GTF2A1: variants seen among roughly 807,000 people sequenced by gnomAD.
GTF2A1 encodes transcription initiation factor IIA subunit 1.
In GTF2A1, 12 loss-of-function variants were observed where a neutral mutation model predicts 54.1. That is an observed-to-expected ratio of 0.22 (90% CI 0.14 to 0.36). The LOEUF is 0.36. Ranked by LOEUF, GTF2A1 falls within the 10% of genes least tolerant of loss-of-function variation. The pLI, the probability that GTF2A1 is intolerant of heterozygous loss-of-function variation, is 1.00. For synonymous variants in GTF2A1, 145 were observed against 152.0 expected, an observed-to-expected ratio of 0.95 and a Z score of 0.34; for missense variants, 335 against 442.2, an observed-to-expected ratio of 0.76 and a Z score of 2.17.
Position 81,178,473 on chromosome 14 carries a change from T to C in GTF2A1, c.*1750A>G, listed in dbSNP as rs1418934298. On this transcript the variant is annotated 3_prime_UTR_variant, in exon 9 of 9. Coordinates refer to ENST00000553612, the MANE Select transcript of GTF2A1 (RefSeq NM_015859.4). The stretch of plus-strand genomic sequence containing the variant: ...AAATTAATATAGTCAAAATAAAAGC[T>C]GTATTACCAGTTATGGCATCTAAAT... 2 of 152,094 alleles carry C rather than the reference T, an allele frequency of 1.3e-5. No individual in the cohort carries two copies. The highest frequency in any genetic ancestry group is 4.8e-5 in the African/African-American group (2 of 41,428). The allele number at this position is 152,094 out of a possible 1,614,324, so 9.4% of individuals were successfully genotyped here.
intron 6 of GTF2A1, among the ~76,000 whole-genome samples, chr14:81,194,121 G>C (rs1203377774): frequency 6.6e-6 from 1 of 152,218 alleles, no homozygotes; most frequent in African/African-American, 2.4e-5. Context: ...CACAGCAGGA[G>C]GTGAGTGGTG....
intron 2 of GTF2A1, among the ~76,000 whole-genome samples, chr14:81,211,903 A>G (rs1467250397): frequency 7.1e-6 from 1 of 141,394 alleles, no homozygotes; most frequent in African/African-American, 2.7e-5. Context: ...ATATATATAT[A>G]TATATAACTA....
rs1178677309 is a variant in GTF2A1, at chr14:81,220,539, A to G, written c.-21T>C. ...GCCATTTCCACACACAACACAAACA[A>G]GAGGGGGCAACCCCAAGAAAACAAG... On this transcript the variant is annotated 5_prime_UTR_variant, in exon 1 of 9. Coordinates refer to ENST00000553612, the MANE Select transcript of GTF2A1 (RefSeq NM_015859.4). 6.4e-7 allele frequency: 1 copy of G among 1,557,918 alleles called. No homozygotes were observed. The highest frequency in any genetic ancestry group is 1.2e-5 in the South Asian group (1 of 85,292).
upstream of GTF2A1, chr14:81,221,236 C>T (rs1163162001): frequency 6.6e-6 from 1 of 152,256 alleles, no homozygotes; most frequent in Non-Finnish European, 1.5e-5. Context: ...CAAAGCGTTG[C>T]TGGAAAAGAC....
rs564416585 is a variant in GTF2A1 at position 81,219,557 on chromosome 14, C to CCGAGT, written c.30+927_30+931dup. 9.2e-5 allele frequency among the ~76,000 whole-genome samples: 14 copies of CCGAGT among 152,338 alleles called. No individual in the cohort carries two copies. In the South Asian group the frequency reaches 2.1e-3, roughly 23 times the overall value. On this transcript the variant is annotated intron_variant, in intron 1 of 8. Coordinates refer to ENST00000553612, the MANE Select transcript of GTF2A1 (RefSeq NM_015859.4). ...GCGGCCGCAGCCATGATGGTTAGACCCGAGTCGCCAACGGTACGGTGTCGG... is the reference window on the plus strand; with the variant it reads ...GCGGCCGCAGCCATGATGGTTAGACCCGAGTCGAGTCGCCAACGGTACGGTGTCGG...
chr14:81,197,339 C>T, intron 5 of GTF2A1, 70 bp downstream of exon 5: 1 of 762,072 alleles, frequency 1.3e-6, no homozygotes, highest in South Asian at 1.7e-5. Flanking sequence ...TCAAAGAAGA[C>T]AAAACCTAAG....
intron 5 of GTF2A1, 63 bp from the exon 6 acceptor site, chr14:81,196,304 A>G (rs776274942): frequency 6.5e-7 from 1 of 1,534,580 alleles, no homozygotes; most frequent in African/African-American, 1.4e-5. Flanking sequence ...AAAGAAATGA[A>G]TTCATATTTA....
rs1893113219 is a variant in GTF2A1, at chr14:81,201,640, A to G, written c.356T>C (p.Ile119Thr). 3.7e-6 allele frequency: 6 copies of G among 1,610,760 alleles called. No homozygotes were observed. The highest frequency in any genetic ancestry group is 4.2e-6 in the Non-Finnish European group (5 of 1,176,996). ...CTGTATCAACTTAGAATCTGGAACA[A>G]TAACTTGTGGTGCTGTGGCTACAAA... ...ASQQATAPQV[I>T]VPDSKLIQHM... The change falls in exon 4 of 9, where the codon ATT (isoleucine) becomes ACT (threonine). Residue 119 changes from isoleucine (I) to threonine (T), a missense_variant. Ile to Thr is a moderately conservative substitution (Grantham distance 89). Coordinates refer to ENST00000553612, the MANE Select transcript of GTF2A1 (RefSeq NM_015859.4).
intron 8 of GTF2A1, among the ~76,000 whole-genome samples, chr14:81,182,438 C>G (rs868819284): frequency 4.6e-5 from 7 of 152,280 alleles, no homozygotes; most frequent in Middle Eastern, 3.4e-3. Context: ...CAAAAAATCT[C>G]AAGAGTCATT....
chr14:81,207,372 T>C (rs2140034577), intron 2 of GTF2A1, among the ~76,000 whole-genome samples: 1 of 152,286 alleles, frequency 6.6e-6, no homozygotes, highest in East Asian at 1.9e-4. Flanking sequence ...CATTTTCTCT[T>C]GCTGCCAACA....
At chr14:81,180,364 T>TA in intron 8 of GTF2A1, 34 bp from the exon 9 acceptor site, 1 of 908,162 alleles carries the variant, frequency 1.1e-6, no homozygotes, top group Non-Finnish European at 1.8e-6. Flanking sequence ...AATTGAGAGA[T>TA]ACAATCAGAA....
chr14:81,204,263 AC>A (rs1893181420), intron 2 of GTF2A1, 159 bp from the exon 3 acceptor site: 1 of 761,182 alleles, frequency 1.3e-6, no homozygotes, highest in South Asian at 1.4e-5. Flanking sequence ...TGAAACAATA[AC>A]AAAAACAAAA....
At chr14:81,192,294 ATT>A (rs1291895814) in intron 7 of GTF2A1, among the ~76,000 whole-genome samples, 1 of 152,204 alleles carries the variant, frequency 6.6e-6, no homozygotes, top group African/African-American at 2.4e-5. Flanking sequence ...TTTGTTATAC[ATT>A]TTTTATTACC....
Position 81,220,736 on chromosome 14 carries a change from T to TAA in GTF2A1, c.-219_-218insTT. On this transcript the variant is annotated 5_prime_UTR_variant, in exon 1 of 9. Transcript: ENST00000553612. ...GCAGCTGAAAACCTCGAGAATCGCC[T>TAA]TAAAAAAAAAAAAAAAGCCACGACC... The TAA allele has an allele frequency of 3.4e-6, 1 of 298,110 alleles. No homozygotes were observed. The highest frequency in any genetic ancestry group is 2.3e-5 in the African/African-American group (1 of 42,678). 18.5% of individuals were successfully genotyped at this position (298,110 alleles called of 1,614,324 possible). A position where few individuals can be genotyped will look rare whatever the true frequency, so the allele number is the denominator to read the frequency against.
chr14:81,206,168 T>C (rs1055183356), intron 2 of GTF2A1, among the ~76,000 whole-genome samples: 4 of 152,230 alleles, frequency 2.6e-5, no homozygotes, highest in African/African-American at 9.6e-5. Context: ...CCTATGATAA[T>C]GGTAAACATT....
intron 1 of GTF2A1, among the ~76,000 whole-genome samples, chr14:81,217,774 A>T (rs986915724): frequency 6.6e-6 from 1 of 152,180 alleles, no homozygotes. Context: ...CCTGGGTGAC[A>T]GGCCCAGACC....
chr14:81,211,915 A>G (rs1010967663), intron 2 of GTF2A1, among the ~76,000 whole-genome samples: 1 of 140,764 alleles, frequency 7.1e-6, no homozygotes, highest in Non-Finnish European at 1.5e-5. Context: ...ATATAACTAG[A>G]GTATATTTAG....
intron 2 of GTF2A1, among the ~76,000 whole-genome samples, chr14:81,210,434 A>G (rs1483431387): frequency 6.6e-6 from 1 of 152,176 alleles, no homozygotes; most frequent in Non-Finnish European, 1.5e-5. Flanking sequence ...TGGGAGGCTG[A>G]GGTGGGCAGA....
intron 4 of GTF2A1, among the ~76,000 whole-genome samples, chr14:81,199,878 T>C (rs552469900): frequency 3.3e-5 from 5 of 152,104 alleles, no homozygotes; most frequent in South Asian, 4.1e-4. Context: ...TGTTTTAAAA[T>C]AATGTGAGTT....
Sources: gnomAD v4.1 joint callset for allele counts (sites outside exome capture counted in the v4.1 genomes callset) on GRCh38, gnomAD v4.1.1 for gene constraint, MANE v1.5 for transcripts, NCBI Gene and HGNC (gene_info 2026-07-23, HGNC 2026-07-21) for gene names.